The following CFAP44 variants were observed in gnomAD, a reference collection of about 807,000 sequenced individuals.
CFAP44 encodes the protein cilia and flagella associated protein 44.
CFAP44 carries 134 observed loss-of-function variants against 216.2 expected under a neutral mutation model. The ratio of observed to expected loss-of-function variants is 0.62; its 90% CI spans 0.54 to 0.72. The LOEUF (loss-of-function observed/expected upper bound fraction) is 0.72. CFAP44 is among the 30% of genes least tolerant of loss of function. CFAP44 has a pLI of 0.00. For synonymous variants in CFAP44, 700 were observed against 727.6 expected (o/e 0.96, Z 0.61); for missense variants, 2,035 against 2,182.1 (o/e 0.93, Z 1.34).
chr3:113,298,536 C>T (rs763339253), intron 32 of CFAP44, among the ~76,000 whole-genome samples: 1 of 152,200 alleles, frequency 6.6e-6, no homozygotes, highest in Non-Finnish European at 1.5e-5. Flanking sequence ...TTTGTACACT[C>T]ATGTTCATCA....
chr3:113,397,657 G>A (rs1008268206), intron 13 of CFAP44, among the ~76,000 whole-genome samples: 7 of 152,164 alleles, frequency 4.6e-5, no homozygotes, highest in Non-Finnish European at 1.5e-5. Flanking sequence ...GTGAAGATGA[G>A]GGATATGAAC....
intron 2 of CFAP44, 108 bp downstream of exon 2, chr3:113,433,452 AAAAAG>A: frequency 6.5e-6 from 3 of 460,948 alleles, no homozygotes; most frequent in African/African-American, 2.0e-5. Context: ...AAAAAAAAAA[AAAAAG>A]ATCTATTTTA....
intron 2 of CFAP44, among the ~76,000 whole-genome samples, chr3:113,430,531 A>G (rs1165949934): frequency 6.6e-6 from 1 of 152,072 alleles, no homozygotes; most frequent in Non-Finnish European, 1.5e-5. Context: ...AAGAAATAAA[A>G]GAGAAACAAC....
chr3:113,385,812 T>A (rs1024403391), intron 15 of CFAP44, among the ~76,000 whole-genome samples: 5 of 148,746 alleles, frequency 3.4e-5, no homozygotes, highest in Non-Finnish European at 7.5e-5. Flanking sequence ...ATTTTTGTAT[T>A]TTTTTTTTTT....
At chr3:113,412,416 T>TA (rs71134889) in intron 6 of CFAP44, among the ~76,000 whole-genome samples, 36,224 of 147,390 alleles carry the variant, frequency 0.25, 5,747 homozygotes, top group African/African-American at 0.46. Context: ...TTATTTCTTC[T>TA]AAAAAAAAAA....
chr3:113,428,255 C>T (rs1331529125), intron 2 of CFAP44, among the ~76,000 whole-genome samples: 1 of 152,218 alleles, frequency 6.6e-6, no homozygotes, highest in Non-Finnish European at 1.5e-5. Context: ...ACAAGTGTAA[C>T]ACTCCTAACT....
chr3:113,420,935 T>C (rs892196400), intron 4 of CFAP44, among the ~76,000 whole-genome samples: 1 of 152,140 alleles, frequency 6.6e-6, no homozygotes, highest in African/African-American at 2.4e-5. Context: ...TGTGTGTGTA[T>C]ATGTATGTGT....
intron 32 of CFAP44, among the ~76,000 whole-genome samples, chr3:113,299,265 C>CA (rs1949912199): frequency 3.9e-5 from 6 of 152,114 alleles, no homozygotes; most frequent in Admixed American, 3.9e-4. Context: ...TCTGAAGAGA[C>CA]AGTTCTTAAA....
chr3:113,369,259 T>C (rs1486921648), intron 18 of CFAP44, among the ~76,000 whole-genome samples: 15 of 152,176 alleles, frequency 9.9e-5, no homozygotes, highest in Admixed American at 9.2e-4. Context: ...GAACTCTCCA[T>C]CTCAAATCAA....
chr3:113,396,653 T>G lies in CFAP44; in HGVS notation c.1644A>C (p.Pro548=). 6.2e-7 allele frequency: 1 copy of G among 1,614,112 alleles called. No homozygotes were observed. The highest frequency in any genetic ancestry group is 8.5e-7 in the Non-Finnish European group (1 of 1,179,988). The part of the protein sequence containing the change: ...GVVRILELYD[P]KGLTIFAGRK... Reference sequence around the variant, plus strand: ...GTCCCGCAAAAATCGTGAGCCCTTTTGGATCATAAAGTTCAAGAATTCGAA... The same window carrying G: ...GTCCCGCAAAAATCGTGAGCCCTTTGGGATCATAAAGTTCAAGAATTCGAA... Residue 548 remains proline (P), a synonymous_variant, in exon 14 of 35, where the codon CCA becomes CCC. Coordinates refer to ENST00000393845, the MANE Select transcript of CFAP44 (RefSeq NM_001164496.2).
At chr3:113,332,404 G>C (rs1950247895) in intron 25 of CFAP44, among the ~76,000 whole-genome samples, 1 of 152,086 alleles carries the variant, frequency 6.6e-6, no homozygotes, top group African/African-American at 2.4e-5. Flanking sequence ...TGGTGAAACA[G>C]AAAAAGACAC....
chr3:113,346,976 C>T (rs1370144802), intron 22 of CFAP44, among the ~76,000 whole-genome samples: 4 of 152,150 alleles, frequency 2.6e-5, no homozygotes, highest in East Asian at 3.8e-4. Flanking sequence ...TTGAAGTCAG[C>T]GAGACCAAGA....
At chr3:113,347,195 A>C (rs1480873651) in intron 22 of CFAP44, among the ~76,000 whole-genome samples, 3 of 152,192 alleles carry the variant, frequency 2.0e-5, no homozygotes, top group Non-Finnish European at 2.9e-5. Context: ...TTTCTGGGAA[A>C]GGGCTCTCTA....
chr3:113,330,474 C>G lies in CFAP44; in HGVS notation c.3810G>C (p.Gln1270His). 6.5e-7 allele frequency: 1 copy of G among 1,537,188 alleles called. No homozygotes were observed. The highest frequency in any genetic ancestry group is 8.7e-7 in the Non-Finnish European group (1 of 1,146,872). Residue 1270 changes from glutamine to histidine, a missense_variant, in exon 26 of 35, where the codon CAG becomes CAC. Transcript: ENST00000393845. ...HPEEVPEKRFQYDEETLLNFK... is the reference protein window; with the variant it reads ...HPEEVPEKRFHYDEETLLNFK... ...AATTTAGGAGAGTTTCTTCATCATA[C>G]TGAAATCTCTTTTCTGGAACTTCTT...
In CFAP44 at chr3:113,327,810, G is replaced by A; in HGVS notation, c.4126C>T (p.Leu1376=). 2.0e-6 allele frequency: 3 copies of A among 1,536,542 alleles called. No homozygotes were observed. The highest frequency in any genetic ancestry group is 2.6e-6 in the Non-Finnish European group (3 of 1,146,582). Residue 1376 remains leucine, a synonymous_variant, in exon 27 of 35, where the codon CTG becomes TTG. Transcript: ENST00000393845. ...AGTTCTGCATCGAAAGTGACAACCA[G>A]TTCTTTGATCTGAGATGGAAAAAAT... ...QQYLVNRIKE[L]VVTFDAELRL...
At chr3:113,346,880 C>A (rs532021099) in intron 22 of CFAP44, among the ~76,000 whole-genome samples, 6 of 152,276 alleles carry the variant, frequency 3.9e-5, no homozygotes, top group South Asian at 2.1e-4. Context: ...TTGCTCTTCA[C>A]AATAAATCTT....
intron 26 of CFAP44, among the ~76,000 whole-genome samples, chr3:113,328,724 A>AAAAAAAAAAAAAAC (rs1950214702): frequency 7.2e-6 from 1 of 139,826 alleles, no homozygotes; most frequent in Non-Finnish European, 1.5e-5. Flanking sequence ...AAAAAAAAAA[A>AAAAAAAAAAAAAAC]AAAACAGAGA....
At chr3:113,324,717 C>A (rs1019884158) in intron 28 of CFAP44, among the ~76,000 whole-genome samples, 4 of 152,022 alleles carry the variant, frequency 2.6e-5, no homozygotes, top group African/African-American at 9.7e-5. Flanking sequence ...GATGTTCTAG[C>A]CATGCAATAA....
intron 18 of CFAP44, among the ~76,000 whole-genome samples, chr3:113,367,497 G>C (rs1559925573): frequency 6.6e-6 from 1 of 152,216 alleles, no homozygotes; most frequent in South Asian, 2.1e-4. Flanking sequence ...GGCCCTGACT[G>C]CTAGAAGGAA....
Sources: gnomAD v4.1 joint callset for allele counts (sites outside exome capture counted in the v4.1 genomes callset) on GRCh38, gnomAD v4.1.1 for gene constraint, MANE v1.5 for transcripts, NCBI Gene and HGNC (gene_info 2026-07-23, HGNC 2026-07-21) for gene names.